CASR: variants seen among roughly 807,000 people sequenced by gnomAD.
CASR encodes extracellular calcium-sensing receptor.
In CASR, 23 loss-of-function variants were observed where a neutral mutation model predicts 69.1. The ratio of observed to expected loss-of-function variants is 0.33; its 90% CI spans 0.24 to 0.47. The LOEUF is 0.47. CASR is among the 20% of genes least tolerant of loss of function. CASR has a pLI of 1.00. For synonymous variants in CASR, 541 were observed against 544.7 expected (o/e 0.99, Z 0.10); for missense variants, 924 against 1,356.1 (o/e 0.68, Z 5.00).
chr3:122,273,857 T>C (rs760763957), intron 4 of CASR, among the ~76,000 whole-genome samples: 2 of 151,928 alleles, frequency 1.3e-5, no homozygotes, highest in African/African-American at 4.8e-5. Flanking sequence ...AAAGGATGTG[T>C]TGGGGTAGAG....
At position 122,283,911 on chromosome 3, in the gene CASR, C is replaced by T. The variant is rs1553768964; in HGVS notation, c.1957C>T (p.Leu653Phe). The change falls in exon 7 of 7, where the codon CTC (leucine) becomes TTC (phenylalanine). Residue 653 changes from leucine to phenylalanine, a missense_variant. This residue lies in a region of CASR where 184 missense variants were observed against 278.8 expected (regional missense o/e 0.66). Transcript: ENST00000639785. ...VKATNRELSY[L>F]LLFSLLCCFS... is the part of the protein sequence containing the mutation. Reference sequence around the variant, plus strand: ...GGCCACCAACCGAGAGCTCTCCTACCTCCTCCTCTTCTCCCTGCTCTGCTG... The same window carrying T: ...GGCCACCAACCGAGAGCTCTCCTACTTCCTCCTCTTCTCCCTGCTCTGCTG... 8 of 1,613,746 alleles carry T rather than the reference C, an allele frequency of 5.0e-6. No homozygotes were observed. The highest frequency in any genetic ancestry group is 6.8e-6 in the Non-Finnish European group (8 of 1,179,966).
At chr3:122,233,260 C>T (rs997736266) in intron 1 of CASR, among the ~76,000 whole-genome samples, 2 of 152,346 alleles carry the variant, frequency 1.3e-5, no homozygotes, top group African/African-American at 4.8e-5. Context: ...CCCCACCGTT[C>T]TCCTTCTCTG....
chr3:122,220,193 G>C (rs957320192), intron 1 of CASR, among the ~76,000 whole-genome samples: 1 of 152,174 alleles, frequency 6.6e-6, no homozygotes, highest in African/African-American at 2.4e-5. Context: ...AACAAAGAAG[G>C]ATGATCCATT....
At position 122,284,882 on chromosome 3, in the gene CASR, A is replaced by T. The variant is rs772563184; in HGVS notation, c.2928A>T (p.Ser976=). The change falls in exon 7 of 7, where the codon TCA becomes TCT. Residue 976 remains serine (S), a synonymous_variant. Transcript: ENST00000639785. ...VIFGSGTVTF[S]LSFDEPQKNA... ...TTGGCAGCGGCACGGTCACCTTCTC[A>T]CTGAGCTTTGATGAGCCTCAGAAGA... is the stretch of plus-strand genomic sequence containing the variant. The T allele has an allele frequency of 8.1e-6, 13 of 1,613,760 alleles. No homozygotes were observed. Among genetic ancestry groups the T allele is most frequent in the Non-Finnish European group, 1.1e-5 (13 of 1,179,640 alleles).
Position 122,282,214 on chromosome 3 carries a change from TG to T in CASR, c.1714del (p.Glu572SerfsTer55). The T allele has an allele frequency of 6.2e-7, 1 of 1,613,976 alleles. No homozygotes were observed. Among genetic ancestry groups the T allele is most frequent in the Non-Finnish European group, 8.5e-7 (1 of 1,179,944 alleles). On this transcript the variant is annotated frameshift_variant, in exon 6 of 7. Transcript: ENST00000639785. LOFTEE classifies it high-confidence loss of function. ...CCFECVECPDGEYSDETDASA... is the reference protein window; with the variant it reads ...CCFECVECPDXEYSDETDASA... Reference sequence around the variant, plus strand: ...GCTTTGAGTGTGTGGAGTGTCCTGATGGGGAGTATAGTGATGAGACAGGTAA... The same window carrying T: ...GCTTTGAGTGTGTGGAGTGTCCTGATGGGAGTATAGTGATGAGACAGGTAA...
At chr3:122,189,807 ATTGT>A (rs1176402902) in intron 1 of CASR, among the ~76,000 whole-genome samples, 1 of 152,202 alleles carries the variant, frequency 6.6e-6, no homozygotes, top group African/African-American at 2.4e-5. Flanking sequence ...CCCCTCAATA[ATTGT>A]TTGTCCTTAG....
intron 1 of CASR, among the ~76,000 whole-genome samples, chr3:122,214,003 C>T (rs1012699395): frequency 1.1e-4 from 17 of 152,204 alleles, no homozygotes; most frequent in African/African-American, 4.1e-4. Context: ...CAACACTTGA[C>T]CCCGTGTCAT....
intron 1 of CASR, among the ~76,000 whole-genome samples, chr3:122,193,987 G>C (rs1053579549): frequency 6.6e-6 from 1 of 152,154 alleles, no homozygotes; most frequent in Non-Finnish European, 1.5e-5. Flanking sequence ...TCCTAGGCCT[G>C]AGGGTTTGTA....
intron 1 of CASR, among the ~76,000 whole-genome samples, chr3:122,226,359 A>G (rs186011963): frequency 2.1e-3 from 326 of 151,648 alleles, no homozygotes; most frequent in African/African-American, 7.3e-3. Context: ...CATGGTCTTG[A>G]TGGCTTCAGG....
chr3:122,235,836 A>G (rs2107611390), intron 1 of CASR, among the ~76,000 whole-genome samples: 1 of 152,344 alleles, frequency 6.6e-6, no homozygotes, highest in South Asian at 2.1e-4. Context: ...TTAAACAATC[A>G]TTTTTAGGAA....
At chr3:122,226,558 C>T (rs1196422756) in intron 1 of CASR, among the ~76,000 whole-genome samples, 3 of 152,184 alleles carry the variant, frequency 2.0e-5, no homozygotes, top group African/African-American at 7.2e-5. Flanking sequence ...TGGCCCCACC[C>T]ACATCCTGCT....
chr3:122,195,210 A>T (rs1321115005), intron 1 of CASR, among the ~76,000 whole-genome samples: 5 of 152,182 alleles, frequency 3.3e-5, no homozygotes. Flanking sequence ...ATTTCCTTGT[A>T]ACAGGGCTAC....
At chr3:122,222,211 G>T (rs895542724) in intron 1 of CASR, among the ~76,000 whole-genome samples, 2 of 152,182 alleles carry the variant, frequency 1.3e-5, no homozygotes, top group African/African-American at 2.4e-5. Flanking sequence ...TGGGGGTAAA[G>T]GTAATTATCT....
chr3:122,233,569 C>A (rs1372308829), intron 1 of CASR, among the ~76,000 whole-genome samples: 1 of 152,210 alleles, frequency 6.6e-6, no homozygotes, highest in South Asian at 2.1e-4. Context: ...ATTTTGTCCA[C>A]CTGATGATGT....
intron 1 of CASR, among the ~76,000 whole-genome samples, chr3:122,208,564 G>A (rs2074031647): frequency 6.6e-6 from 1 of 152,012 alleles, no homozygotes; most frequent in African/African-American, 2.4e-5. Flanking sequence ...CAGTAAATGT[G>A]GTATTGGGCA....
In CASR at chr3:122,283,683, A is replaced by G. The variant is rs911114845; in HGVS notation, c.1733-4A>G. ...AACTCACTCTTCACTGGGACATTTT[A>G]CAGATGCCAGTGCCTGTAACAAGTG... is the stretch of plus-strand genomic sequence containing the variant. On this transcript the variant is annotated splice_polypyrimidine_tract_variant and splice_region_variant and intron_variant, in intron 6 of 6. Transcript: ENST00000639785. The G allele has an allele frequency of 5.0e-6, 8 of 1,613,114 alleles. No homozygotes were observed. In the African/African-American group the frequency reaches 1.1e-4, roughly 22 times the overall value.
At chr3:122,229,442 C>CT (rs1381783021) in intron 1 of CASR, among the ~76,000 whole-genome samples, 2 of 152,264 alleles carry the variant, frequency 1.3e-5, no homozygotes, top group African/African-American at 4.8e-5. Context: ...AGTTAGATGA[C>CT]TTCTAATATC....
At chr3:122,205,067 G>T (rs2073993347) in intron 1 of CASR, among the ~76,000 whole-genome samples, 1 of 152,004 alleles carries the variant, frequency 6.6e-6, no homozygotes. Context: ...CTGTAAAGAA[G>T]CTTTTTAGTT....
intron 1 of CASR, among the ~76,000 whole-genome samples, chr3:122,249,125 G>A (rs949885648): frequency 4.6e-5 from 7 of 152,192 alleles, no homozygotes; most frequent in African/African-American, 1.7e-4. Flanking sequence ...TTTGTTCAAC[G>A]AATATTTGTG....
Sources: allele counts gnomAD v4.1 joint callset (sites outside exome capture counted in the v4.1 genomes callset), GRCh38; gene constraint gnomAD v4.1.1; regional missense constraint gnomAD v4.1.1; transcripts MANE v1.5; gene names NCBI Gene and HGNC (gene_info 2026-07-23, HGNC 2026-07-21).